The following BTBD9 variants were observed in gnomAD, a reference collection of about 807,000 sequenced individuals.
BTBD9 encodes BTB domain containing 9.
BTBD9 carries 49 observed loss-of-function variants against 64.3 expected under a neutral mutation model. That is an observed-to-expected ratio of 0.76 (90% CI 0.61 to 0.97). BTBD9 has a LOEUF of 0.97. Among genes scored for constraint, BTBD9 ranks in the 50% least tolerant of loss-of-function variants. The probability of loss-of-function intolerance (pLI) is 0.00; values close to 1 mark genes in which losing one functional copy is unlikely to be tolerated. For synonymous variants in BTBD9, 260 were observed against 274.7 expected (o/e 0.95, Z 0.53); for missense variants, 598 against 762.1 (o/e 0.78, Z 2.53).
Position 38,506,951 on chromosome 6 carries a change from C to A in BTBD9, c.1154+70649G>T, listed in dbSNP as rs77295131. Among the ~76,000 whole-genome samples the A allele has an allele frequency of 2.6e-5, 4 of 152,262 alleles. No individual in the cohort carries two copies. In the East Asian group the frequency reaches 7.7e-4, roughly 29 times the overall value. On this transcript the variant is annotated intron_variant, in intron 6 of 10. Coordinates refer to ENST00000481247, the MANE Select transcript of BTBD9 (RefSeq NM_001099272.2). The stretch of plus-strand genomic sequence containing the variant: ...TTTTCCCTAACTCACCTCACTATGG[C>A]CATAAAAACCTCCTGTTCCTGCTGG...
intron 6 of BTBD9, among the ~76,000 whole-genome samples, chr6:38,429,542 T>G (rs982853272): frequency 1.3e-5 from 2 of 151,866 alleles, no homozygotes; most frequent in Non-Finnish European, 2.9e-5. Context: ...TACTTAAATG[T>G]TAACCTATCC....
intron 6 of BTBD9, among the ~76,000 whole-genome samples, chr6:38,566,845 GAA>G (rs1252355572): frequency 6.6e-6 from 1 of 152,186 alleles, no homozygotes; most frequent in East Asian, 1.9e-4. Context: ...CATCTGTTCA[GAA>G]CTGGGAAACG....
intron 9 of BTBD9, among the ~76,000 whole-genome samples, chr6:38,222,400 A>G (rs1006797876): frequency 6.6e-6 from 1 of 151,240 alleles, no homozygotes; most frequent in African/African-American, 2.4e-5. Context: ...AGCTGGGACT[A>G]CAGGTGCCCG....
intron 1 of BTBD9, among the ~76,000 whole-genome samples, chr6:38,622,194 G>A (rs746129195): frequency 4.6e-5 from 7 of 152,228 alleles, no homozygotes; most frequent in African/African-American, 9.6e-5. Context: ...CCCTCGGTCC[G>A]TTGTAAGGCC....
At chr6:38,252,564 T>C (rs1018948520) in intron 9 of BTBD9, among the ~76,000 whole-genome samples, 9 of 152,218 alleles carry the variant, frequency 5.9e-5, no homozygotes, top group Non-Finnish European at 1.0e-4. Context: ...TATTATTTAT[T>C]TATTAATTTG....
At chr6:38,570,252 A>G (rs1775701952) in intron 6 of BTBD9, among the ~76,000 whole-genome samples, 1 of 152,158 alleles carries the variant, frequency 6.6e-6, no homozygotes, top group Non-Finnish European at 1.5e-5. Flanking sequence ...TGCTCCTTCC[A>G]AAGAGGTAGT....
At chr6:38,328,564 CGTGTGTGTGTGTGTGTGTGT>C (rs201357884) in intron 7 of BTBD9, among the ~76,000 whole-genome samples, 6 of 130,408 alleles carry the variant, frequency 4.6e-5, no homozygotes, top group South Asian at 5.6e-4. Flanking sequence ...TTTAAGCCAC[CGTGTGTGTGTGTGTGTGTGT>C]GTGTGTGTGT....
chr6:38,364,686 A>G (rs1765116766), intron 6 of BTBD9, among the ~76,000 whole-genome samples: 1 of 152,214 alleles, frequency 6.6e-6, no homozygotes, highest in African/African-American at 2.4e-5. Context: ...ATAGTAGTCA[A>G]AATGGTTTTC....
At chr6:38,592,338 T>G (rs1168752349) in intron 4 of BTBD9, among the ~76,000 whole-genome samples, 2 of 152,076 alleles carry the variant, frequency 1.3e-5, no homozygotes, top group African/African-American at 4.8e-5. Flanking sequence ...GGGGAGGAGT[T>G]GAGAAATCTG....
intron 10 of BTBD9, among the ~76,000 whole-genome samples, chr6:38,185,535 G>A (rs56100330): frequency 0.012 from 1,823 of 152,262 alleles, 18 homozygotes; most frequent in Non-Finnish European, 0.019. Context: ...TGCCACTCAA[G>A]ACTGGGTTGA....
intron 7 of BTBD9, among the ~76,000 whole-genome samples, chr6:38,304,438 C>T (rs892004750): frequency 4.6e-5 from 7 of 151,814 alleles, no homozygotes; most frequent in African/African-American, 1.2e-4. Context: ...CCCAGCTACT[C>T]GGGAGGCTGA....
chr6:38,460,891 G>A (rs1770052622), intron 6 of BTBD9, among the ~76,000 whole-genome samples: 1 of 152,242 alleles, frequency 6.6e-6, no homozygotes, highest in African/African-American at 2.4e-5. Context: ...CCAAAGTGCT[G>A]AGATTACAGG....
chr6:38,357,254 C>T (rs1413958159), intron 6 of BTBD9, among the ~76,000 whole-genome samples: 1 of 152,176 alleles, frequency 6.6e-6, no homozygotes, highest in African/African-American at 2.4e-5. Flanking sequence ...TCAGAGGTAC[C>T]TGGTGCCTTT....
At chr6:38,458,612 G>C (rs1312097957) in intron 6 of BTBD9, among the ~76,000 whole-genome samples, 1 of 152,144 alleles carries the variant, frequency 6.6e-6, no homozygotes, top group African/African-American at 2.4e-5. Flanking sequence ...ATCCCTAACA[G>C]GAAGAACTAA....
At position 38,594,125 on chromosome 6, in the gene BTBD9, A is replaced by C. The variant is rs1265844133; in HGVS notation, c.388T>G (p.Ser130Ala). Residue 130 changes from serine (S) to alanine (A), a missense_variant, in exon 3 of 11, where the codon TCT becomes GCT. Physicochemically the swap from Ser to Ala is moderately conservative, Grantham distance 99. Transcript: ENST00000481247. ...TTAAGTATGGTGCAGAGATACTCAGAGGTAGAATCCTCTAGCTCTGGAAAT... is the reference window on the plus strand; with the variant it reads ...TTAAGTATGGTGCAGAGATACTCAGCGGTAGAATCCTCTAGCTCTGGAAAT... ...YGFPELEDSTSEYLCTILNIQ... is the reference protein window; with the variant it reads ...YGFPELEDSTAEYLCTILNIQ... 3.7e-6 allele frequency: 6 copies of C among 1,614,100 alleles called. No homozygotes were observed. The East Asian group carries it at 1.1e-4, about 30-fold the overall frequency.
chr6:38,569,194 T>G (rs1775649169), intron 6 of BTBD9, among the ~76,000 whole-genome samples: 1 of 152,214 alleles, frequency 6.6e-6, no homozygotes, highest in Admixed American at 6.5e-5. Flanking sequence ...TACACATTAT[T>G]TTGCCTGGAA....
intron 8 of BTBD9, among the ~76,000 whole-genome samples, chr6:38,284,503 A>G (rs1159054589): frequency 6.6e-6 from 1 of 152,032 alleles, no homozygotes. Context: ...CCTGATAATA[A>G]CCTCATGTAG....
intron 7 of BTBD9, among the ~76,000 whole-genome samples, chr6:38,305,475 T>C (rs1319348209): frequency 1.3e-5 from 2 of 152,124 alleles, no homozygotes; most frequent in African/African-American, 4.8e-5. Context: ...AAAAGGTTAT[T>C]GTTTTTGTTT....
intron 9 of BTBD9, among the ~76,000 whole-genome samples, chr6:38,251,264 A>AT (rs374203427): frequency 0.13 from 18,196 of 139,406 alleles, 1,369 homozygotes; most frequent in East Asian, 0.29. Context: ...AAGAGGTGTG[A>AT]TTTTTTTTTT....
Sources: gnomAD v4.1 joint callset for allele counts (sites outside exome capture counted in the v4.1 genomes callset) on GRCh38, gnomAD v4.1.1 for gene constraint, MANE v1.5 for transcripts, NCBI Gene and HGNC (gene_info 2026-07-23, HGNC 2026-07-21) for gene names.